MAGI2: variants seen among roughly 807,000 people sequenced by gnomAD.
MAGI2 encodes membrane associated guanylate kinase, WW and PDZ domain containing 2.
Under a neutral mutation model 133.3 loss-of-function variants are expected in MAGI2, and 35 were observed. The observed-to-expected ratio is 0.26, with a 90% CI of 0.20 to 0.35. The LOEUF is 0.35. Ranked by LOEUF, MAGI2 falls within the 10% of genes least tolerant of loss-of-function variation. The pLI is 1.00. For missense variants in MAGI2, 1,636 were observed against 1,863.4 expected (o/e 0.88, Z 2.25); for synonymous variants, 729 against 710.6 (o/e 1.03, Z -0.41).
chr7:78,504,653 T>G (rs1794928020), intron 4 of MAGI2, among the ~76,000 whole-genome samples: 1 of 152,130 alleles, frequency 6.6e-6, no homozygotes, highest in Admixed American at 6.5e-5. Flanking sequence ...ATACACAGAC[T>G]TTGAGTTATC....
chr7:78,552,177 T>C (rs12537185), intron 3 of MAGI2, among the ~76,000 whole-genome samples: 1 of 88,126 alleles, frequency 1.1e-5, no homozygotes, highest in African/African-American at 5.5e-5. Flanking sequence ...TTTGTTTTCC[T>C]TTTTTTTTTT....
intron 2 of MAGI2, among the ~76,000 whole-genome samples, chr7:78,847,174 C>T (rs1442427286): frequency 6.6e-6 from 1 of 151,950 alleles, no homozygotes; most frequent in Admixed American, 6.6e-5. Context: ...AAGTAATTTA[C>T]AAGACATCTC....
At chr7:79,226,481 T>A (rs1311022892) in intron 1 of MAGI2, among the ~76,000 whole-genome samples, 1 of 152,146 alleles carries the variant, frequency 6.6e-6, no homozygotes, top group Non-Finnish European at 1.5e-5. Flanking sequence ...ACAAATAGCA[T>A]AAAAACTGGC....
chr7:79,204,482 G>A (rs1376539554), intron 1 of MAGI2, among the ~76,000 whole-genome samples: 1 of 152,058 alleles, frequency 6.6e-6, no homozygotes, highest in East Asian at 1.9e-4. Flanking sequence ...CATTTGCACA[G>A]GGCTTTCCCA....
chr7:78,853,555 C>T (rs760298901), intron 2 of MAGI2, among the ~76,000 whole-genome samples: 1 of 151,268 alleles, frequency 6.6e-6, no homozygotes, highest in Non-Finnish European at 1.5e-5. Context: ...AGGGTCTCAC[C>T]ATGTTGCCCA....
At chr7:78,234,591 AATATAAT>A (rs1790323728) in intron 10 of MAGI2, among the ~76,000 whole-genome samples, 1 of 10,820 alleles carries the variant, frequency 9.2e-5, no homozygotes, top group Non-Finnish European at 3.9e-4. Flanking sequence ...TATTTCATAT[AATATAAT>A]GAATATATTT....
chr7:78,493,848 A>G (rs184043410), intron 5 of MAGI2, among the ~76,000 whole-genome samples: 34 of 140,948 alleles, frequency 2.4e-4, no homozygotes, highest in Non-Finnish European at 3.9e-4. Flanking sequence ...TAAGTATGAT[A>G]TTAAAGTTCC....
intron 2 of MAGI2, among the ~76,000 whole-genome samples, chr7:78,814,165 G>C (rs955669806): frequency 6.6e-6 from 1 of 152,098 alleles, no homozygotes. Flanking sequence ...CATAGGATAC[G>C]AGGCTGTGGT....
At chr7:79,333,759 A>G (rs1217637511) in intron 1 of MAGI2, among the ~76,000 whole-genome samples, 2 of 152,198 alleles carry the variant, frequency 1.3e-5, no homozygotes, top group African/African-American at 4.8e-5. Flanking sequence ...CTTGATACAA[A>G]AATAAAAAAG....
chr7:79,178,696 A>T lies in MAGI2; in HGVS notation c.302-171490T>A, dbSNP rs367892913. The stretch of plus-strand genomic sequence containing the variant: ...CACTGCACTCCAGACTGGGCAACAG[A>T]GTGAGACTCCATTTCAAAAAAAAAA... On this transcript the variant is annotated intron_variant, in intron 1 of 21. Coordinates refer to ENST00000354212, the MANE Select transcript of MAGI2 (RefSeq NM_012301.4). 2.2e-4 allele frequency among the ~76,000 whole-genome samples: 33 copies of T among 151,744 alleles called. 1 individual carries two copies. Among genetic ancestry groups the T allele is most frequent in the African/African-American group, 8.0e-4 (33 of 41,220 alleles).
intron 20 of MAGI2, among the ~76,000 whole-genome samples, chr7:78,114,827 G>A (rs3807727): frequency 0.33 from 50,358 of 152,078 alleles, 8,696 homozygotes; most frequent in Non-Finnish European, 0.4. Context: ...AGTGGGGACT[G>A]GAGCTGGAGA....
intron 1 of MAGI2, among the ~76,000 whole-genome samples, chr7:79,288,807 C>T (rs1242599556): frequency 6.6e-6 from 1 of 152,138 alleles, no homozygotes; most frequent in Non-Finnish European, 1.5e-5. Flanking sequence ...ACAGCTGTGG[C>T]TCACAGAGGG....
At chr7:78,946,082 A>T (rs550003033) in intron 2 of MAGI2, among the ~76,000 whole-genome samples, 1 of 152,324 alleles carries the variant, frequency 6.6e-6, no homozygotes, top group Non-Finnish European at 1.5e-5. Flanking sequence ...AAATGGTATA[A>T]TCATATCATC....
At chr7:79,287,583 T>C (rs1836114245) in intron 1 of MAGI2, among the ~76,000 whole-genome samples, 1 of 152,122 alleles carries the variant, frequency 6.6e-6, no homozygotes, top group South Asian at 2.1e-4. Context: ...TGAGTAGCTG[T>C]GTGTACTTGG....
At chr7:78,756,743 A>G (rs1482517003) in intron 2 of MAGI2, among the ~76,000 whole-genome samples, 1 of 152,150 alleles carries the variant, frequency 6.6e-6, no homozygotes, top group Non-Finnish European at 1.5e-5. Context: ...CTGATCTCTC[A>G]TCACACTCTT....
At chr7:79,424,538 ACAGACAGTG>A (rs2129181946) in intron 1 of MAGI2, among the ~76,000 whole-genome samples, 1 of 152,260 alleles carries the variant, frequency 6.6e-6, no homozygotes, top group African/African-American at 2.4e-5. Flanking sequence ...CAAAAAATGC[ACAGACAGTG>A]CATGTTAAGT....
intron 1 of MAGI2, among the ~76,000 whole-genome samples, chr7:79,286,798 G>C (rs1382150932): frequency 6.6e-6 from 1 of 151,914 alleles, no homozygotes; most frequent in Admixed American, 6.6e-5. Flanking sequence ...CCCTCCATTA[G>C]CTTCTCAGCC....
intron 2 of MAGI2, among the ~76,000 whole-genome samples, chr7:78,898,645 G>A (rs1797388337): frequency 6.6e-6 from 1 of 152,178 alleles, no homozygotes; most frequent in South Asian, 2.1e-4. Context: ...ACACACTAGG[G>A]CCTATCAGAG....
At chr7:79,260,659 G>A (rs1206389891) in intron 1 of MAGI2, among the ~76,000 whole-genome samples, 4 of 152,056 alleles carry the variant, frequency 2.6e-5, no homozygotes, top group African/African-American at 9.7e-5. Flanking sequence ...CTCATGTGAT[G>A]GGTTGCAGTC....
Sources: gnomAD v4.1 joint callset for allele counts (sites outside exome capture counted in the v4.1 genomes callset) on GRCh38, gnomAD v4.1.1 for gene constraint, MANE v1.5 for transcripts, NCBI Gene and HGNC (gene_info 2026-07-23, HGNC 2026-07-21) for gene names.